The following RBFOX3 variants were observed in gnomAD, a reference collection of about 807,000 sequenced individuals.
RBFOX3 encodes the protein RNA binding protein fox-1 homolog 3.
RBFOX3 carries 17 observed loss-of-function variants against 48.7 expected under a neutral mutation model. The ratio of observed to expected loss-of-function variants is 0.35; its 90% CI spans 0.24 to 0.52. The LOEUF (loss-of-function observed/expected upper bound fraction) is 0.52. Ranked by LOEUF, RBFOX3 falls within the 20% of genes least tolerant of loss-of-function variation. The pLI, the probability that RBFOX3 is intolerant of heterozygous loss-of-function variation, is 0.94. For missense variants in RBFOX3, 382 were observed against 497.5 expected, an observed-to-expected ratio of 0.77 and a Z score of 2.21; for synonymous variants, 212 against 209.5, an observed-to-expected ratio of 1.01 and a Z score of -0.10.
At chr17:79,503,466 T>C (rs2149756366) in intron 1 of RBFOX3, among the ~76,000 whole-genome samples, 1 of 152,366 alleles carries the variant, frequency 6.6e-6, no homozygotes, top group African/African-American at 2.4e-5. Context: ...ATATTCACAC[T>C]ATTATCATTT....
chr17:79,276,589 G>A (rs536799659), intron 3 of RBFOX3, among the ~76,000 whole-genome samples: 8 of 152,120 alleles, frequency 5.3e-5, no homozygotes, highest in East Asian at 3.9e-4. Context: ...GGAGGCTGAC[G>A]CAGGAGAATC....
At chr17:79,664,448 G>A in the RBFOX3 span, among the ~76,000 whole-genome samples, 19 of 151,786 alleles carry the variant, frequency 1.3e-4, no homozygotes, top group Admixed American at 3.9e-4. Context: ...CGGGGTTCAC[G>A]CCATTCTCCT....
intron 2 of RBFOX3, among the ~76,000 whole-genome samples, chr17:79,420,667 T>C (rs1474078482): frequency 5.3e-5 from 8 of 152,188 alleles, no homozygotes; most frequent in Non-Finnish European, 1.2e-4. Context: ...CAGCCACTGC[T>C]CTGCAGCTGA....
chr17:79,450,010 A>C (rs2073167077), intron 2 of RBFOX3, among the ~76,000 whole-genome samples: 1 of 152,216 alleles, frequency 6.6e-6, no homozygotes, highest in Admixed American at 6.5e-5. Flanking sequence ...AAAAAAGCCC[A>C]AAATGCAACT....
upstream of RBFOX3, among the ~76,000 whole-genome samples, chr17:79,613,832 G>C (rs2093983918): frequency 6.6e-6 from 1 of 152,198 alleles, no homozygotes; most frequent in Admixed American, 6.5e-5. Context: ...AAACTAGCCA[G>C]GTGTGGTTGT....
intron 1 of RBFOX3, among the ~76,000 whole-genome samples, chr17:79,603,222 C>T (rs1038714356): frequency 6.6e-6 from 1 of 152,114 alleles, no homozygotes; most frequent in Non-Finnish European, 1.5e-5. Flanking sequence ...GAGCTCCTGA[C>T]CTCAGGTGAT....
In RBFOX3 at chr17:79,323,690, A is replaced by G. The variant is rs552740460; in HGVS notation, c.-174-15866T>C. On this transcript the variant is annotated intron_variant, in intron 2 of 14. Transcript: ENST00000693108. ...TGCTGCCAGGATTACTGAAGAAGTA[A>G]TGTCCTGCTCAGCTCTCTTCTGCCT... Among the ~76,000 whole-genome samples, 5 of 152,258 alleles carry G rather than the reference A, an allele frequency of 3.3e-5. No homozygotes were observed. In the South Asian group the frequency reaches 6.2e-4, roughly 19 times the overall value.
intron 14 of RBFOX3, among the ~76,000 whole-genome samples, chr17:79,093,031 G>C (rs1267676676): frequency 6.6e-6 from 1 of 152,226 alleles, no homozygotes; most frequent in Non-Finnish European, 1.5e-5. Context: ...GAGCACTGAG[G>C]GACCTCCTGG....
At chr17:79,186,840 T>C (rs555313478) in intron 4 of RBFOX3, among the ~76,000 whole-genome samples, 5 of 152,354 alleles carry the variant, frequency 3.3e-5, no homozygotes, top group African/African-American at 7.2e-5. Flanking sequence ...TCCAAGGCTT[T>C]GGAGATCTCC....
At chr17:79,095,604 G>A (rs1259649984) in intron 12 of RBFOX3, 30 bp from the exon 13 acceptor site, 2 of 1,544,026 alleles carry the variant, frequency 1.3e-6, no homozygotes, top group African/African-American at 2.7e-5. Context: ...AGAGAGAGCA[G>A]AGGGACTTAG....
At chr17:79,203,028 T>C (rs1468194445) in intron 4 of RBFOX3, among the ~76,000 whole-genome samples, 1 of 152,064 alleles carries the variant, frequency 6.6e-6, no homozygotes, top group Non-Finnish European at 1.5e-5. Context: ...TCCTGTGCAC[T>C]TCCCAAAATA....
At chr17:79,663,316 A>T in the RBFOX3 span, among the ~76,000 whole-genome samples, 1 of 152,248 alleles carries the variant, frequency 6.6e-6, no homozygotes, top group African/African-American at 2.4e-5. Flanking sequence ...CAGGTGACTG[A>T]TGCCAGGAAG....
At chr17:79,312,697 A>T (rs2145745363) in intron 2 of RBFOX3, among the ~76,000 whole-genome samples, 1 of 152,290 alleles carries the variant, frequency 6.6e-6, no homozygotes, top group Admixed American at 6.5e-5. Flanking sequence ...CAGCTCCTTC[A>T]TGCACATAAA....
chr17:79,318,428 T>C (rs965175665), intron 2 of RBFOX3, among the ~76,000 whole-genome samples: 1 of 152,154 alleles, frequency 6.6e-6, no homozygotes, highest in Admixed American at 6.5e-5. Context: ...CACCACCCCT[T>C]ACACCATATG....
chr17:79,654,715 C>T, the RBFOX3 span, among the ~76,000 whole-genome samples: 1 of 152,310 alleles, frequency 6.6e-6, no homozygotes, highest in African/African-American at 2.4e-5. Context: ...GTTTTAGCAC[C>T]TTGCAGGGGA....
At chr17:79,648,597 A>G in the RBFOX3 span, among the ~76,000 whole-genome samples, 1 of 152,160 alleles carries the variant, frequency 6.6e-6, no homozygotes, top group Non-Finnish European at 1.5e-5. Context: ...CCTCCACAGG[A>G]CCTGGCCACC....
intron 4 of RBFOX3, among the ~76,000 whole-genome samples, chr17:79,142,627 T>C (rs1038229802): frequency 6.6e-6 from 1 of 151,912 alleles, no homozygotes; most frequent in African/African-American, 2.4e-5. Context: ...GGCTGGATGG[T>C]GGAGAGTCTG....
intron 1 of RBFOX3, among the ~76,000 whole-genome samples, chr17:79,591,258 C>T (rs1438370942): frequency 1.3e-5 from 2 of 152,172 alleles, no homozygotes; most frequent in Non-Finnish European, 2.9e-5. Flanking sequence ...TCGCTGGGGG[C>T]CAAGGCTTCA....
At chr17:79,611,132 C>CTCTCTCTCTCTCTCTCTCTCTCTA (rs2093961470), upstream of RBFOX3, among the ~76,000 whole-genome samples, 1 of 19,070 alleles carries the variant, frequency 5.2e-5, no homozygotes, top group African/African-American at 1.2e-4. Context: ...CGCCCTCCTT[C>CTCTCTCTCTCTCTCTCTCTCTCTA]TCTCTCTCTC....
Sources: gnomAD v4.1 joint callset for allele counts (sites outside exome capture counted in the v4.1 genomes callset) on GRCh38, gnomAD v4.1.1 for gene constraint, MANE v1.5 for transcripts, NCBI Gene and HGNC (gene_info 2026-07-23, HGNC 2026-07-21) for gene names.